NUGGC: variants seen among roughly 807,000 people sequenced by gnomAD.
The protein encoded by NUGGC is nuclear GTPase SLIP-GC.
Under a neutral mutation model 92.6 loss-of-function variants are expected in NUGGC, and 58 were observed. The observed-to-expected ratio is 0.63, with a 90% CI of 0.51 to 0.78. NUGGC has a LOEUF of 0.78. Among genes scored for constraint, NUGGC ranks in the 30% least tolerant of loss-of-function variants. The pLI is 0.00. For missense variants in NUGGC, 925 were observed against 964.6 expected (o/e 0.96, Z 0.54); for synonymous variants, 376 against 366.4 (o/e 1.03, Z -0.30).
intron 17 of NUGGC, among the ~76,000 whole-genome samples, chr8:28,027,253 T>C (rs892174794): frequency 6.6e-6 from 1 of 152,216 alleles, no homozygotes; most frequent in Non-Finnish European, 1.5e-5. Flanking sequence ...ACAACATTTC[T>C]GTGGGCTCCC....
chr8:28,033,214 T>C (rs1250298682), intron 14 of NUGGC, among the ~76,000 whole-genome samples: 1 of 152,180 alleles, frequency 6.6e-6, no homozygotes, highest in Admixed American at 6.5e-5. Flanking sequence ...TTTGCTTAAT[T>C]CTACTCTCTC....
intron 9 of NUGGC, among the ~76,000 whole-genome samples, chr8:28,056,458 A>G (rs1810141514): frequency 1.3e-5 from 2 of 151,414 alleles, no homozygotes; most frequent in South Asian, 2.1e-4. Context: ...AGCCTGGGCG[A>G]CAGAGTGAGA....
At chr8:28,082,541 G>A (rs1022305055) in intron 1 of NUGGC, among the ~76,000 whole-genome samples, 5 of 152,160 alleles carry the variant, frequency 3.3e-5, no homozygotes, top group African/African-American at 1.2e-4. Flanking sequence ...ACACTGTTCT[G>A]TAAAATTCAA....
At chr8:28,042,617 G>A (rs187931469) in intron 12 of NUGGC, among the ~76,000 whole-genome samples, 24 of 152,204 alleles carry the variant, frequency 1.6e-4, no homozygotes, top group Admixed American at 9.8e-4. Flanking sequence ...ACCACAGCAC[G>A]TCTCCTGCCT....
intron 1 of NUGGC, among the ~76,000 whole-genome samples, chr8:28,081,007 T>TA (rs146531275): frequency 0.046 from 7,058 of 152,046 alleles, 572 homozygotes; most frequent in African/African-American, 0.16. Flanking sequence ...GAATTGGTTT[T>TA]AAAAAAAATA....
intron 7 of NUGGC, among the ~76,000 whole-genome samples, chr8:28,061,284 G>A (rs538549696): frequency 6.6e-6 from 1 of 152,298 alleles, no homozygotes; most frequent in Non-Finnish European, 1.5e-5. Flanking sequence ...AAGTTGCAAA[G>A]GCCAATGAAC....
Position 28,070,296 on chromosome 8 carries a change from C to T in NUGGC, c.104G>A (p.Arg35Gln), listed in dbSNP as rs187338124. ...CTCCATGGAGGGAAATGCTCGGAAC[C>T]GCTGGTCTCGATCTGATTTCCTTCT... ...RKRRKSDRDQ[R>Q]FRAFPSMEQS... Residue 35 changes from arginine to glutamine, a missense_variant, in exon 3 of 19, where the codon CGG becomes CAG. By Grantham distance (43) the Arg-to-Gln change is conservative. Coordinates refer to ENST00000413272, the MANE Select transcript of NUGGC (RefSeq NM_001010906.2). 1,109 of 1,554,234 alleles carry T rather than the reference C, an allele frequency of 7.1e-4. 5 individuals are homozygous for T. The African/African-American group carries it at 0.013, about 19-fold the overall frequency.
At chr8:28,035,093 G>A (rs1809520960) in intron 13 of NUGGC, among the ~76,000 whole-genome samples, 1 of 152,140 alleles carries the variant, frequency 6.6e-6, no homozygotes, top group Non-Finnish European at 1.5e-5. Flanking sequence ...GTAAAGTCCT[G>A]GAGACGCTCG....
intron 13 of NUGGC, among the ~76,000 whole-genome samples, chr8:28,040,395 A>G (rs1470829333): frequency 1.3e-5 from 2 of 152,208 alleles, no homozygotes; most frequent in Non-Finnish European, 2.9e-5. Context: ...GCAAGCATTG[A>G]GCATCCTCAT....
intron 10 of NUGGC, among the ~76,000 whole-genome samples, chr8:28,049,845 G>C (rs1809943391): frequency 6.6e-6 from 1 of 152,220 alleles, no homozygotes; most frequent in Non-Finnish European, 1.5e-5. Flanking sequence ...CAGCACTTTG[G>C]GAAGCCGAGG....
chr8:28,079,945 T>TTTGC (rs1235901687), intron 1 of NUGGC, among the ~76,000 whole-genome samples: 1 of 151,930 alleles, frequency 6.6e-6, no homozygotes, highest in Non-Finnish European at 1.5e-5. Context: ...TGTTTGTTTG[T>TTTGC]TTGTTTGTTT....
intron 1 of NUGGC, among the ~76,000 whole-genome samples, chr8:28,081,537 G>A (rs1481176193): frequency 2.0e-5 from 3 of 152,100 alleles, no homozygotes; most frequent in Non-Finnish European, 2.9e-5. Flanking sequence ...TCCCGTTCTT[G>A]TCCCTATTGA....
At chr8:28,039,928 G>T (rs139215887) in intron 13 of NUGGC, among the ~76,000 whole-genome samples, 1 of 152,198 alleles carries the variant, frequency 6.6e-6, no homozygotes, top group African/African-American at 2.4e-5. Context: ...GGTCATAAGG[G>T]TGGGGCCCTG....
rs754913185 is a variant in NUGGC, at chr8:28,048,431, A to AT, written c.1207-820dup. Among the ~76,000 whole-genome samples, 901 of 141,684 alleles carry AT rather than the reference A, an allele frequency of 6.4e-3. 10 individuals carry two copies. Among genetic ancestry groups the AT allele is most frequent in the African/African-American group, 0.02 (765 of 38,142 alleles). The allele number at this position is 141,684 out of a possible 152,430, so 93.0% of individuals were successfully genotyped here. On this transcript the variant is annotated intron_variant, in intron 10 of 18. Transcript: ENST00000413272. ...TTTGTTTGTTTGTTTGTTTTGGGGG[A>AT]TTTTTTTGTTTTTAAACAAAGAGCT... is the stretch of plus-strand genomic sequence containing the variant.
intron 12 of NUGGC, 50 bp downstream of exon 12, chr8:28,045,477 A>G: frequency 6.4e-7 from 1 of 1,552,830 alleles, no homozygotes; most frequent in South Asian, 1.2e-5. Context: ...GTAAAAGGAA[A>G]TGTCCTGCCC....
intron 7 of NUGGC, among the ~76,000 whole-genome samples, chr8:28,063,193 G>A (rs1188657981): frequency 1.3e-5 from 2 of 152,206 alleles, no homozygotes; most frequent in Non-Finnish European, 2.9e-5. Flanking sequence ...CTTCTTGTGA[G>A]AGGAGGTCAA....
chr8:28,055,970 GT>G lies in NUGGC; in HGVS notation c.1200del (p.Lys400AsnfsTer2). The G allele has an allele frequency of 1.3e-6, 2 of 1,515,242 alleles. No homozygotes were observed. The highest frequency in any genetic ancestry group is 9.0e-7 in the Non-Finnish European group (1 of 1,111,282). 93.9% of individuals were successfully genotyped at this position (1,515,242 alleles called of 1,614,324 possible). A position where few individuals can be genotyped will look rare whatever the true frequency, so the allele number is the denominator to read the frequency against. On this transcript the variant is annotated frameshift_variant, in exon 10 of 19. Transcript: ENST00000413272. LOFTEE classifies it high-confidence loss of function. ...AGAGAAACCTATTAACTCACCTTCA[GT>G]TTTTCCTTGAGAATTCTAGTCCTTT... is the stretch of plus-strand genomic sequence containing the variant. ...KLQRTRILKE[K>X]LKRKLPADFK...
At chr8:28,027,179 T>C in intron 17 of NUGGC, 127 bp from the exon 18 acceptor site, 1 of 716,434 alleles carries the variant, frequency 1.4e-6, no homozygotes, top group Non-Finnish European at 2.5e-6. Flanking sequence ...AGTCAGGCTT[T>C]GCAACCCAGT....
chr8:28,029,492 T>C (rs1809358939), intron 16 of NUGGC, 90 bp from the exon 17 acceptor site: 8 of 1,449,252 alleles, frequency 5.5e-6, no homozygotes, highest in Non-Finnish European at 6.6e-6. Flanking sequence ...CTCACACCTG[T>C]AATCCCAGCG....
Sources: allele counts gnomAD v4.1 joint callset (sites outside exome capture counted in the v4.1 genomes callset), GRCh38; gene constraint gnomAD v4.1.1; transcripts MANE v1.5; gene names NCBI Gene and HGNC (gene_info 2026-07-23, HGNC 2026-07-21).